The following NEURL1 variants were observed in gnomAD, a reference collection of about 807,000 sequenced individuals.
NEURL1 encodes the protein E3 ubiquitin-protein ligase NEURL1.
NEURL1 carries 26 observed loss-of-function variants against 41.2 expected under a neutral mutation model. That is an observed-to-expected ratio of 0.63 (90% CI 0.46 to 0.87). The LOEUF (loss-of-function observed/expected upper bound fraction) is 0.87, where lower values mean the gene tolerates loss of function less well. NEURL1 is among the 40% of genes least tolerant of loss of function. NEURL1 has a pLI of 0.00. For synonymous variants in NEURL1, 400 were observed against 402.3 expected, an observed-to-expected ratio of 0.99 and a Z score of 0.07; for missense variants, 761 against 871.1, an observed-to-expected ratio of 0.87 and a Z score of 1.59.
At chr10:103,504,584 G>T (rs1334821856) in intron 1 of NEURL1, among the ~76,000 whole-genome samples, 1 of 152,156 alleles carries the variant, frequency 6.6e-6, no homozygotes. Context: ...TGCTTGTCAG[G>T]TCTCTCCATT....
chr10:103,496,001 G>T (rs959384669), intron 1 of NEURL1, among the ~76,000 whole-genome samples: 1 of 152,094 alleles, frequency 6.6e-6, no homozygotes, highest in Non-Finnish European at 1.5e-5. Flanking sequence ...CCAGCTACTT[G>T]GGAGGCAGAT....
At chr10:103,581,842 C>A in intron 3 of NEURL1, among the ~76,000 whole-genome samples, 1 of 152,064 alleles carries the variant, frequency 6.6e-6, no homozygotes, top group East Asian at 1.9e-4. Context: ...GGCTGATAGG[C>A]AGCTCAGGAG....
At chr10:103,576,199 A>T (rs2035659551) in intron 3 of NEURL1, among the ~76,000 whole-genome samples, 1 of 152,208 alleles carries the variant, frequency 6.6e-6, no homozygotes, top group East Asian at 1.9e-4. Context: ...TATGTGTGGG[A>T]GGGGAGTGCA....
At chr10:103,583,294 G>T (rs1336937963) in intron 3 of NEURL1, among the ~76,000 whole-genome samples, 7 of 152,104 alleles carry the variant, frequency 4.6e-5, no homozygotes, top group Admixed American at 4.6e-4. Context: ...ATTATCTACA[G>T]AATTTAGTGA....
Position 103,584,604 on chromosome 10 carries a change from CGG to C in NEURL1, c.719_720del (p.Arg240ProfsTer135). 1 of 1,410,932 alleles carries C rather than the reference CGG, an allele frequency of 7.1e-7. No homozygotes were observed. Among genetic ancestry groups the C allele is most frequent in the Non-Finnish European group, 9.2e-7 (1 of 1,088,276 alleles). The allele number at this position is 1,410,932 out of a possible 1,614,324, so 87.4% of individuals were successfully genotyped here. A position where few individuals can be genotyped will look rare whatever the true frequency, so the allele number is the denominator to read the frequency against. On this transcript the variant is annotated frameshift_variant, in exon 4 of 6. Transcript: ENST00000369780. LOFTEE classifies it high-confidence loss of function. ...CACCGCCCTGCGGCGGCCGTCGCTGCGGCGCGAGGCGGACGACGCGCGCCTCT... is the reference window on the plus strand; with the variant it reads ...CACCGCCCTGCGGCGGCCGTCGCTGCCGCGAGGCGGACGACGCGCGCCTCT... ...SFTALRRPSL[R>X]READDARLSV... is the part of the protein sequence containing the mutation.
At chr10:103,557,311 G>A (rs941323459) in intron 1 of NEURL1, among the ~76,000 whole-genome samples, 1 of 152,142 alleles carries the variant, frequency 6.6e-6, no homozygotes, top group Non-Finnish European at 1.5e-5. Context: ...AATCATGTGA[G>A]CAGAGAACTC....
Position 103,507,118 on chromosome 10 carries a change from A to G in NEURL1, c.85+12646A>G, listed in dbSNP as rs78519477. On this transcript the variant is annotated intron_variant, in intron 1 of 5. Coordinates refer to ENST00000369780, the MANE Select transcript of NEURL1 (RefSeq NM_004210.5). ...CCAGAGTGGGAAAGTGACCTGCCCA[A>G]GGTCATACAGCTGGATTGGACCAAG... 7.7e-3 allele frequency among the ~76,000 whole-genome samples: 1,177 copies of G among 152,254 alleles called. 17 individuals carry two copies. The highest frequency in any genetic ancestry group is 0.027 in the African/African-American group (1,124 of 41,546).
At chr10:103,531,869 C>G (rs1037814069) in intron 1 of NEURL1, among the ~76,000 whole-genome samples, 1 of 152,146 alleles carries the variant, frequency 6.6e-6, no homozygotes, top group Non-Finnish European at 1.5e-5. Flanking sequence ...TATCTGGATG[C>G]TCCATTGTTT....
intron 1 of NEURL1, among the ~76,000 whole-genome samples, chr10:103,509,083 T>G (rs963613515): frequency 1.0e-4 from 15 of 150,574 alleles, no homozygotes; most frequent in African/African-American, 3.7e-4. Flanking sequence ...ACAAAACAAT[T>G]AGCTGGGTGT....
At chr10:103,574,278 C>T (rs965028364) in intron 3 of NEURL1, among the ~76,000 whole-genome samples, 2 of 152,218 alleles carry the variant, frequency 1.3e-5, no homozygotes, top group African/African-American at 4.8e-5. Context: ...CCAAGAGAAG[C>T]CAGTAAATCA....
At chr10:103,573,322 G>A (rs2035588415) in intron 3 of NEURL1, among the ~76,000 whole-genome samples, 1 of 152,178 alleles carries the variant, frequency 6.6e-6, no homozygotes, top group Non-Finnish European at 1.5e-5. Flanking sequence ...GGGGCAGAAA[G>A]GGCAGCGTTC....
intron 1 of NEURL1, among the ~76,000 whole-genome samples, chr10:103,538,348 A>G (rs1005113629): frequency 6.6e-6 from 1 of 152,162 alleles, no homozygotes; most frequent in African/African-American, 2.4e-5. Context: ...AGGCAGGCGG[A>G]TCACCTGAGG....
At chr10:103,561,719 T>C (rs908869716) in intron 1 of NEURL1, among the ~76,000 whole-genome samples, 3 of 152,216 alleles carry the variant, frequency 2.0e-5, no homozygotes, top group Admixed American at 2.0e-4. Context: ...CTTGCAGGGA[T>C]TGGAGGGTGT....
At chr10:103,542,407 A>G (rs1483882712) in intron 1 of NEURL1, among the ~76,000 whole-genome samples, 1 of 152,084 alleles carries the variant, frequency 6.6e-6, no homozygotes, top group Non-Finnish European at 1.5e-5. Context: ...CTACAGACAC[A>G]CACCACCATG....
At chr10:103,560,040 AAC>A (rs760706501) in intron 1 of NEURL1, among the ~76,000 whole-genome samples, 7 of 151,036 alleles carry the variant, frequency 4.6e-5, no homozygotes, top group South Asian at 2.1e-4. Flanking sequence ...TGCACACATA[AAC>A]ACACGCACAC....
intron 1 of NEURL1, among the ~76,000 whole-genome samples, chr10:103,501,692 G>A (rs2033828737): frequency 6.7e-6 from 1 of 150,078 alleles, no homozygotes; most frequent in Non-Finnish European, 1.5e-5. Flanking sequence ...GAGTGCAATG[G>A]CGTGATCTCA....
chr10:103,585,850 A>G (rs946641469), intron 4 of NEURL1, among the ~76,000 whole-genome samples: 4 of 151,718 alleles, frequency 2.6e-5, no homozygotes, highest in African/African-American at 9.7e-5. Flanking sequence ...AAAAAAAAAA[A>G]AGGTTTCCCC....
chr10:103,540,335 G>A (rs2034793759), intron 1 of NEURL1, among the ~76,000 whole-genome samples: 1 of 151,776 alleles, frequency 6.6e-6, no homozygotes, highest in Non-Finnish European at 1.5e-5. Context: ...TTTCACCCAG[G>A]CTGGAGCGCA....
intron 1 of NEURL1, among the ~76,000 whole-genome samples, chr10:103,506,552 G>A (rs1035224809): frequency 6.6e-5 from 10 of 151,136 alleles, no homozygotes; most frequent in African/African-American, 2.4e-4. Context: ...CCTCCTTCAC[G>A]TCTGCTGTCT....
Sources: gnomAD v4.1 joint callset for allele counts (sites outside exome capture counted in the v4.1 genomes callset) on GRCh38, gnomAD v4.1.1 for gene constraint, MANE v1.5 for transcripts, NCBI Gene and HGNC (gene_info 2026-07-23, HGNC 2026-07-21) for gene names.